The following MARCHF2 variants were observed in gnomAD, a reference collection of about 807,000 sequenced individuals.
MARCHF2 encodes E3 ubiquitin-protein ligase MARCHF2.
A neutral mutation model predicts 24.0 loss-of-function variants in MARCHF2; 22 were observed. The ratio of observed to expected loss-of-function variants is 0.92; its 90% CI spans 0.66 to 1.31. The LOEUF (loss-of-function observed/expected upper bound fraction) is 1.31, where lower values mean the gene tolerates loss of function less well. Ranked by LOEUF, MARCHF2 falls within the 50% of genes most tolerant of loss-of-function variation. MARCHF2 has a pLI of 0.00. For synonymous variants in MARCHF2, 154 were observed against 153.0 expected (o/e 1.01, Z -0.05); for missense variants, 301 against 335.3 (o/e 0.90, Z 0.80).
Position 8,434,108 on chromosome 19 carries a change from G to A in MARCHF2, c.582+3241G>A, listed in dbSNP as rs200554872. ...TTTTTTTTTTTTTTTTTTTTGAGAC[G>A]GGGTCTTGCTCTGTCACCCAGGCTA... is the stretch of plus-strand genomic sequence containing the variant. On this transcript the variant is annotated intron_variant, in intron 4 of 4. Transcript: ENST00000215555. 9.0e-5 allele frequency among the ~76,000 whole-genome samples: 12 copies of A among 133,112 alleles called. No homozygotes were observed. The East Asian group carries it at 1.5e-3, about 17-fold the overall frequency. The allele number at this position is 133,112 out of a possible 152,430, so 87.3% of individuals were successfully genotyped here. A position where few individuals can be genotyped will look rare whatever the true frequency, so the allele number is the denominator to read the frequency against.
intron 1 of MARCHF2, among the ~76,000 whole-genome samples, chr19:8,421,396 T>C (rs970974916): frequency 5.5e-5 from 8 of 145,408 alleles, no homozygotes; most frequent in Non-Finnish European, 1.2e-4. Flanking sequence ...TTTTTTTTTT[T>C]TTTTGTATTT....
rs1209809161 is a variant in MARCHF2, at chr19:8,430,510, G to A, written c.373-148G>A. On this transcript the variant is annotated intron_variant, in intron 3 of 4. Transcript: ENST00000215555. The surrounding 1 kb of genome is among the most constrained non-coding windows in gnomAD (Gnocchi z 4.4). ...AGATCACACCATTGCACTCCATCCT[G>A]GGCAACAGAGTGAGAATCTGTCTCA... The A allele has an allele frequency of 3.1e-6, 2 of 646,092 alleles. No homozygotes were observed. Among genetic ancestry groups the A allele is most frequent in the African/African-American group, 3.7e-5 (2 of 54,548 alleles). 40.0% of individuals were successfully genotyped at this position (646,092 alleles called of 1,614,324 possible). A position where few individuals can be genotyped will look rare whatever the true frequency, so the allele number is the denominator to read the frequency against.
Position 8,430,154 on chromosome 19 carries a change from A to G in MARCHF2, c.373-504A>G, listed in dbSNP as rs1393052385. On this transcript the variant is annotated intron_variant, in intron 3 of 4. Transcript: ENST00000215555. This position sits in a 1 kb window ranked among gnomAD's most constrained non-coding sequence, Gnocchi z 4.4. Reference sequence around the variant, plus strand: ...CGAGGTGGGCAGATCACTTAAGGTCACAAGTTCGAGACCAGCCTGACAAAC... The same window carrying G: ...CGAGGTGGGCAGATCACTTAAGGTCGCAAGTTCGAGACCAGCCTGACAAAC... Among the ~76,000 whole-genome samples, 2 of 152,096 alleles carry G rather than the reference A, an allele frequency of 1.3e-5. No homozygotes were observed. Among genetic ancestry groups the G allele is most frequent in the African/African-American group, 4.8e-5 (2 of 41,434 alleles).
intron 1 of MARCHF2, among the ~76,000 whole-genome samples, chr19:8,414,417 C>G (rs929382440): frequency 7.2e-5 from 11 of 151,988 alleles, no homozygotes. Flanking sequence ...TACAGGCCCC[C>G]GCCACCGTGC....
At chr19:8,432,035 G>A (rs934544576) in intron 4 of MARCHF2, among the ~76,000 whole-genome samples, 2 of 151,930 alleles carry the variant, frequency 1.3e-5, no homozygotes, top group Non-Finnish European at 2.9e-5. Context: ...GCATGTGCCT[G>A]TCATCCCAGC....
At position 8,421,771 on chromosome 19, in the gene MARCHF2, G is replaced by A. The variant is rs574650971; in HGVS notation, c.-52-18G>A. 6 of 1,454,604 alleles carry A rather than the reference G, an allele frequency of 4.1e-6. No homozygotes were observed. Among genetic ancestry groups the A allele is most frequent in the East Asian group, 2.3e-5 (1 of 43,250 alleles). 90.1% of individuals were successfully genotyped at this position (1,454,604 alleles called of 1,614,324 possible). A position where few individuals can be genotyped will look rare whatever the true frequency, so the allele number is the denominator to read the frequency against. ...CTCATTAACCTTGCCCCTAACCTCC[G>A]CACTGGCCTGTTCCCAGGCTCCTGG... On this transcript the variant is annotated intron_variant, in intron 1 of 4. Coordinates refer to ENST00000215555, the MANE Select transcript of MARCHF2 (RefSeq NM_001005415.2).
At position 8,438,698 on chromosome 19, in the gene MARCHF2, G is replaced by A. The variant is rs1404561390; in HGVS notation, c.*152G>A. 3.0e-6 allele frequency: 2 copies of A among 656,446 alleles called. No individual in the cohort carries two copies. The highest frequency in any genetic ancestry group is 5.0e-6 in the Non-Finnish European group (2 of 396,476). The allele number at this position is 656,446 out of a possible 1,614,324, so 40.7% of individuals were successfully genotyped here. On this transcript the variant is annotated 3_prime_UTR_variant, in exon 5 of 5. Transcript: ENST00000215555. ...GCCAAGAGACACCATGCAGAGCCTA[G>A]TCTGTGATCCTGTGTGAAGATATTT...
At chr19:8,428,027 G>A (rs960983437) in intron 3 of MARCHF2, among the ~76,000 whole-genome samples, 6 of 152,110 alleles carry the variant, frequency 3.9e-5, no homozygotes, top group East Asian at 3.9e-4. Context: ...TGGGGAGGCC[G>A]AGGCGGGCGG....
chr19:8,421,198 CTG>C (rs959660122), intron 1 of MARCHF2, among the ~76,000 whole-genome samples: 2 of 151,002 alleles, frequency 1.3e-5, no homozygotes, highest in African/African-American at 4.9e-5. Flanking sequence ...TCTCGGCTCA[CTG>C]TAACTTCCCC....
rs1208286797 is a variant in MARCHF2, at chr19:8,430,943, G to GGCTT, written c.582+78_582+81dup. Reference sequence around the variant, plus strand: ...CAGCAGGGCCAAGGATTTGGCCCCTGGCTTGTGGGGCACGGGGCTCCCTGG... The same window carrying GGCTT: ...CAGCAGGGCCAAGGATTTGGCCCCTGGCTTGCTTGTGGGGCACGGGGCTCCCTGG... On this transcript the variant is annotated intron_variant, in intron 4 of 4. Transcript: ENST00000215555. The surrounding 1 kb of genome is among the most constrained non-coding windows in gnomAD (Gnocchi z 4.4). 5 of 1,422,596 alleles carry GGCTT rather than the reference G, an allele frequency of 3.5e-6. No homozygotes were observed. Among genetic ancestry groups the GGCTT allele is most frequent in the Non-Finnish European group, 4.7e-6 (5 of 1,055,722 alleles). The allele number at this position is 1,422,596 out of a possible 1,614,324, so 88.1% of individuals were successfully genotyped here. A position where few individuals can be genotyped will look rare whatever the true frequency, so the allele number is the denominator to read the frequency against.
At position 8,430,837 on chromosome 19, in the gene MARCHF2, C is replaced by A; in HGVS notation, c.552C>A (p.Ala184=). ...EAVGLIALTI[A]LFTIYVLWTL... Reference sequence around the variant, plus strand: ...TGGGTCTCATTGCCCTCACCATCGCCCTCTTCACCATCTATGTCCTCTGGA... The same window carrying A: ...TGGGTCTCATTGCCCTCACCATCGCACTCTTCACCATCTATGTCCTCTGGA... The change falls in exon 4 of 5, where the codon GCC becomes GCA. Residue 184 remains alanine (A), a synonymous_variant. Transcript: ENST00000215555. The surrounding 1 kb of genome is among the most constrained non-coding windows in gnomAD (Gnocchi z 4.4). 1 of 1,609,866 alleles carries A rather than the reference C, an allele frequency of 6.2e-7. No homozygotes were observed. Among genetic ancestry groups the A allele is most frequent in the Non-Finnish European group, 8.5e-7 (1 of 1,179,714 alleles).
intron 3 of MARCHF2, among the ~76,000 whole-genome samples, chr19:8,428,216 GGCCACTGCAC>G (rs1967464873): frequency 6.6e-6 from 1 of 150,690 alleles, no homozygotes; most frequent in African/African-American, 2.4e-5. Context: ...GCTGAGATCA[GGCCACTGCAC>G]TCCAGCCTGG....
chr19:8,416,198 C>T (rs1000554807), intron 1 of MARCHF2, among the ~76,000 whole-genome samples: 4 of 151,730 alleles, frequency 2.6e-5, no homozygotes, highest in East Asian at 1.9e-4. Context: ...AAAAATTAGC[C>T]GGGTATGGTG....
intron 4 of MARCHF2, among the ~76,000 whole-genome samples, chr19:8,438,031 A>G (rs1967776588): frequency 1.3e-5 from 2 of 151,618 alleles, no homozygotes; most frequent in South Asian, 4.2e-4. Context: ...CTCCCAAACT[A>G]CTGGGATTAC....
At chr19:8,415,939 C>G (rs1599696712) in intron 1 of MARCHF2, among the ~76,000 whole-genome samples, 1 of 152,038 alleles carries the variant, frequency 6.6e-6, no homozygotes, top group Non-Finnish European at 1.5e-5. Flanking sequence ...GAGTGGACCT[C>G]TAGCCTCTAA....
chr19:8,429,721 C>G (rs1033322341), intron 3 of MARCHF2, among the ~76,000 whole-genome samples: 8 of 147,954 alleles, frequency 5.4e-5, no homozygotes, highest in Non-Finnish European at 1.2e-4. Context: ...CCAGGCTGGT[C>G]TTGACCTCCT....
intron 4 of MARCHF2, among the ~76,000 whole-genome samples, chr19:8,436,864 A>G (rs977961376): frequency 6.6e-6 from 1 of 151,378 alleles, no homozygotes; most frequent in African/African-American, 2.4e-5. Context: ...CTAATTTTGT[A>G]TTTTTAATAG....
intron 1 of MARCHF2, among the ~76,000 whole-genome samples, chr19:8,420,535 C>CA (rs767779814): frequency 0.02 from 1,321 of 66,442 alleles, 28 homozygotes; most frequent in Middle Eastern, 0.045. Context: ...AACTCTGTCT[C>CA]AAAAAAAAAA....
At chr19:8,427,176 T>C (rs1342921850) in intron 3 of MARCHF2, among the ~76,000 whole-genome samples, 1 of 152,110 alleles carries the variant, frequency 6.6e-6, no homozygotes, top group African/African-American at 2.4e-5. Flanking sequence ...GCCTCCCAAG[T>C]AGCTGGGATG....
Sources: gnomAD v4.1 joint callset for allele counts (sites outside exome capture counted in the v4.1 genomes callset) on GRCh38, gnomAD v4.1.1 for gene constraint, Gnocchi (gnomAD v3.1) non-coding constraint, MANE v1.5 for transcripts, NCBI Gene and HGNC (gene_info 2026-07-23, HGNC 2026-07-21) for gene names.